Variants in NUP153 observed in about 807,000 individuals in gnomAD.
NUP153 encodes nuclear pore complex protein Nup153.
Under a neutral mutation model 134.6 loss-of-function variants are expected in NUP153, and 27 were observed. The observed-to-expected ratio is 0.20, with a 90% CI of 0.15 to 0.28. NUP153 has a LOEUF of 0.28. NUP153 is among the 10% of genes least tolerant of loss of function. NUP153 has a pLI of 1.00. For synonymous variants in NUP153, 640 were observed against 623.5 expected (o/e 1.03, Z -0.40); for missense variants, 1,821 against 1,731.3 (o/e 1.05, Z -0.92).
At chr6:17,624,245 T>A (rs1251794920) in intron 20 of NUP153, among the ~76,000 whole-genome samples, 1 of 151,956 alleles carries the variant, frequency 6.6e-6, no homozygotes, top group Non-Finnish European at 1.5e-5. Flanking sequence ...ATAAACAGGA[T>A]CAGAAAATGC....
At position 17,649,223 on chromosome 6, in the gene NUP153, G is replaced by A. The variant is rs761249845; in HGVS notation, c.1473C>T (p.Ser491=). The stretch of plus-strand genomic sequence containing the variant: ...ATGGAGAGGAAGTTGTGATCTCAGG[G>A]GAACTAAAATTAAAGGTAGGCAGTG... ...SSSLPTFNFS[S]PEITTSSPSP... is the part of the protein sequence containing the mutation. Residue 491 remains serine (S), a synonymous_variant, in exon 12 of 22, where the codon TCC becomes TCT. Coordinates refer to ENST00000262077, the MANE Select transcript of NUP153 (RefSeq NM_005124.4). 6.2e-7 allele frequency: 1 copy of A among 1,613,870 alleles called. No individual in the cohort carries two copies. The highest frequency in any genetic ancestry group is 1.1e-5 in the South Asian group (1 of 91,070).
At position 17,665,346 on chromosome 6, in the gene NUP153, G is replaced by T; in HGVS notation, c.1108C>A (p.Pro370Thr). The change falls in exon 9 of 22, where the codon CCA (proline) becomes ACA (threonine). Residue 370 changes from proline (P) to threonine (T), a missense_variant. Coordinates refer to ENST00000262077, the MANE Select transcript of NUP153 (RefSeq NM_005124.4). ...QYPPVQRLMT[P>T]KPVSIATNRS... ...TTTGTTGCTATGGAAACTGGCTTTG[G>T]GGTCATAAGTCTCTGAACAGGAGGA... 9 of 1,613,396 alleles carry T rather than the reference G, an allele frequency of 5.6e-6. No individual in the cohort carries two copies. Among genetic ancestry groups the T allele is most frequent in the South Asian group, 1.1e-5 (1 of 91,044 alleles).
chr6:17,693,498 G>A (rs1769414071), intron 1 of NUP153, among the ~76,000 whole-genome samples: 1 of 152,192 alleles, frequency 6.6e-6, no homozygotes, highest in Non-Finnish European at 1.5e-5. Context: ...CCTAGAGAAG[G>A]TAGTAGCGTT....
At chr6:17,670,689 A>G (rs1767854009) in intron 5 of NUP153, among the ~76,000 whole-genome samples, 1 of 152,152 alleles carries the variant, frequency 6.6e-6, no homozygotes, top group African/African-American at 2.4e-5. Flanking sequence ...AACTATACCT[A>G]GGTTTGTTCA....
chr6:17,623,375 A>C (rs1043884339), intron 20 of NUP153, among the ~76,000 whole-genome samples: 1 of 151,492 alleles, frequency 6.6e-6, no homozygotes, highest in African/African-American at 2.4e-5. Flanking sequence ...AAAAAAAAAA[A>C]ACCTTTTAAA....
chr6:17,641,990 GTTTTTC>G (rs1468116983), intron 14 of NUP153, among the ~76,000 whole-genome samples: 22 of 152,074 alleles, frequency 1.4e-4, no homozygotes, highest in Non-Finnish European at 1.9e-4. Flanking sequence ...TAATAACCAA[GTTTTTC>G]TTTTTAAGTG....
In NUP153 at chr6:17,629,565, TAGACACTCA is replaced by T. The variant is rs763100352; in HGVS notation, c.2660-35_2660-27del. 16 of 1,553,522 alleles carry T rather than the reference TAGACACTCA, an allele frequency of 1.0e-5. No homozygotes were observed. In the East Asian group the frequency reaches 3.1e-4, roughly 30 times the overall value. On this transcript the variant is annotated intron_variant, in intron 17 of 21. Coordinates refer to ENST00000262077, the MANE Select transcript of NUP153 (RefSeq NM_005124.4). Reference sequence around the variant, plus strand: ...CTACAAAAATATAAAAGACACCACATAGACACTCAATGTACTGATCCTCTCAAACAAAAT... The same window carrying T: ...CTACAAAAATATAAAAGACACCACATATGTACTGATCCTCTCAAACAAAAT...
intron 14 of NUP153, among the ~76,000 whole-genome samples, chr6:17,643,512 C>G (rs184565322): frequency 6.6e-6 from 1 of 152,148 alleles, no homozygotes; most frequent in Non-Finnish European, 1.5e-5. Context: ...ACTCGTACAA[C>G]TATGCCAAAA....
Position 17,629,469 on chromosome 6 carries a change from GGAT to G in NUP153, c.2727_2729del (p.Ser912del). The G allele has an allele frequency of 1.2e-6, 2 of 1,610,570 alleles. No individual in the cohort carries two copies. Among genetic ancestry groups the G allele is most frequent in the Middle Eastern group, 1.7e-4 (1 of 6,036 alleles). On this transcript the variant is annotated inframe_deletion, in exon 18 of 22. Transcript: ENST00000262077. Reference sequence around the variant, plus strand: ...TTAAAGTCTGAGAAGGCCCAGAAGAGGATGATGAGACACCAAATTTGAAGGATG... The same window carrying G: ...TTAAAGTCTGAGAAGGCCCAGAAGAGGATGAGACACCAAATTTGAAGGATG...
At chr6:17,693,581 CCTT>C (rs1372727959) in intron 1 of NUP153, among the ~76,000 whole-genome samples, 1 of 152,146 alleles carries the variant, frequency 6.6e-6, no homozygotes, top group East Asian at 1.9e-4. Context: ...CTAAGTAGAC[CCTT>C]CTTAAAGATA....
chr6:17,675,049 A>C lies in NUP153; in HGVS notation c.724-16T>G. The C allele has an allele frequency of 6.2e-7, 1 of 1,612,686 alleles. No individual in the cohort carries two copies. The highest frequency in any genetic ancestry group is 8.5e-7 in the Non-Finnish European group (1 of 1,179,412). On this transcript the variant is annotated splice_polypyrimidine_tract_variant and intron_variant, in intron 4 of 21. Transcript: ENST00000262077. The surrounding 1 kb of genome is among the most constrained non-coding windows in gnomAD (Gnocchi z 4.4). ...TCCCAAGTGACTGCACAGAAACAGA[A>C]TGATAAATTATAAGCCATATGAACC... is the stretch of plus-strand genomic sequence containing the variant.
At chr6:17,645,467 CTTTTTT>C (rs71002239) in intron 14 of NUP153, among the ~76,000 whole-genome samples, 1 of 135,396 alleles carries the variant, frequency 7.4e-6, no homozygotes, top group Admixed American at 7.4e-5. Flanking sequence ...ATTTCTTTTT[CTTTTTT>C]TTTTTTTTTC....
intron 11 of NUP153, among the ~76,000 whole-genome samples, chr6:17,651,356 T>G (rs1410609211): frequency 6.6e-6 from 1 of 151,810 alleles, no homozygotes; most frequent in Non-Finnish European, 1.5e-5. Flanking sequence ...TATTAAATAA[T>G]TAAATAATAA....
At chr6:17,701,831 T>TGGGGGGGGG in intron 1 of NUP153, among the ~76,000 whole-genome samples, 1 of 15,054 alleles carries the variant, frequency 6.6e-5, no homozygotes, top group Non-Finnish European at 1.9e-4. Context: ...AGACTCTGTC[T>TGGGGGGGGG]CGGGGGGGGG....
intron 2 of NUP153, among the ~76,000 whole-genome samples, chr6:17,676,262 G>A (rs1768215374): frequency 6.6e-6 from 1 of 152,128 alleles, no homozygotes; most frequent in Admixed American, 6.6e-5. Context: ...TGGTTAACCT[G>A]TTTATAACCT....
chr6:17,690,268 C>A (rs954751853), intron 1 of NUP153, among the ~76,000 whole-genome samples: 3 of 104,790 alleles, frequency 2.9e-5, no homozygotes, highest in African/African-American at 7.9e-5. Flanking sequence ...AGGAGAATGG[C>A]GTGAACCCGG....
chr6:17,636,855 AC>A (rs1765575319), intron 16 of NUP153, among the ~76,000 whole-genome samples: 1 of 152,172 alleles, frequency 6.6e-6, no homozygotes, highest in African/African-American at 2.4e-5. Context: ...GAGAAATATT[AC>A]CCCATTCTAA....
At chr6:17,699,831 T>C (rs1165825421) in intron 1 of NUP153, among the ~76,000 whole-genome samples, 2 of 151,804 alleles carry the variant, frequency 1.3e-5, no homozygotes, top group Non-Finnish European at 2.9e-5. Context: ...CTAGATTCTG[T>C]CTCAAAAAAA....
At chr6:17,629,585 C>T (rs1462668481) in intron 17 of NUP153, 46 bp from the exon 18 acceptor site, 15 of 1,501,258 alleles carry the variant, frequency 1.0e-5, no homozygotes, top group Non-Finnish European at 1.3e-5. Flanking sequence ...ATGTACTGAT[C>T]CTCTCAAACA....
Sources: gnomAD v4.1 joint callset for allele counts (sites outside exome capture counted in the v4.1 genomes callset) on GRCh38, gnomAD v4.1.1 for gene constraint, Gnocchi (gnomAD v3.1) non-coding constraint, MANE v1.5 for transcripts, NCBI Gene and HGNC (gene_info 2026-07-23, HGNC 2026-07-21) for gene names.